Variants in AAK1 observed in about 807,000 individuals in gnomAD.
AAK1 encodes AP2-associated protein kinase 1.
AAK1 carries 37 observed loss-of-function variants against 116.0 expected under a neutral mutation model. The ratio of observed to expected loss-of-function variants is 0.32; its 90% confidence interval spans 0.25 to 0.42. The LOEUF is 0.42. Among genes scored for constraint, AAK1 ranks in the 10% least tolerant of loss-of-function variants. AAK1 has a pLI of 1.00. For synonymous variants in AAK1, 458 were observed against 439.9 expected (o/e 1.04, Z -0.51); for missense variants, 919 against 1,170.6 (o/e 0.79, Z 3.14).
intron 2 of AAK1, among the ~76,000 whole-genome samples, chr2:69,612,035 C>T (rs1674108168): frequency 6.6e-6 from 1 of 152,136 alleles, no homozygotes; most frequent in Admixed American, 6.5e-5. Context: ...TGGGCATAGA[C>T]TTTCAGTTGG....
intron 2 of AAK1, among the ~76,000 whole-genome samples, chr2:69,566,682 G>A (rs1314315175): frequency 6.6e-6 from 1 of 152,104 alleles, no homozygotes; most frequent in Non-Finnish European, 1.5e-5. Flanking sequence ...TCTTTTTAGG[G>A]GTTTGGCAAG....
rs752750876 is a variant in AAK1, at chr2:69,467,102, C to T, written c.*8767G>A. On this transcript the variant is annotated 3_prime_UTR_variant, in exon 22 of 22. Transcript: ENST00000409085. ...TCACAAGCACTACTCAAAGAGCATA[C>T]GAGTGCCCAAAATATAAATACTGAA... 3.0e-5 allele frequency: 30 copies of T among 985,266 alleles called. No homozygotes were observed. The highest frequency in any genetic ancestry group is 3.4e-5 in the Non-Finnish European group (28 of 829,928). The allele number at this position is 985,266 out of a possible 1,614,324, so 61.0% of individuals were successfully genotyped here. A position where few individuals can be genotyped will look rare whatever the true frequency, so the allele number is the denominator to read the frequency against.
rs1674753403 is a variant in AAK1, at chr2:69,473,632, T to C, written c.*2237A>G. On this transcript the variant is annotated 3_prime_UTR_variant, in exon 22 of 22. Coordinates refer to ENST00000409085, the MANE Select transcript of AAK1 (RefSeq NM_014911.5). ...TTTCAATGTAATTATGGGTAATATATGAAAAGAACAATTTAGAGATACCTA... is the reference window on the plus strand; with the variant it reads ...TTTCAATGTAATTATGGGTAATATACGAAAAGAACAATTTAGAGATACCTA... 2 of 982,418 alleles carry C rather than the reference T, an allele frequency of 2.0e-6. No homozygotes were observed. The highest frequency in any genetic ancestry group is 2.4e-6 in the Non-Finnish European group (2 of 826,996). The allele number at this position is 982,418 out of a possible 1,614,324, so 60.9% of individuals were successfully genotyped here. A position where few individuals can be genotyped will look rare whatever the true frequency, so the allele number is the denominator to read the frequency against.
intron 2 of AAK1, among the ~76,000 whole-genome samples, chr2:69,561,584 G>T (rs184466247): frequency 6.6e-6 from 1 of 152,300 alleles, no homozygotes; most frequent in East Asian, 1.9e-4. Flanking sequence ...CTCATCTTTA[G>T]AAATTTTTAT....
rs771595397 is a variant in AAK1 at position 69,642,866 on chromosome 2, G to C, written c.163+12C>G. On this transcript the variant is annotated intron_variant, in intron 2 of 21. Coordinates refer to ENST00000409085, the MANE Select transcript of AAK1 (RefSeq NM_014911.5). ...AAGATTTTAATTTACGGCGCATTGAGCCCCACCGTACCTTCCGCCAACACC... is the reference window on the plus strand; with the variant it reads ...AAGATTTTAATTTACGGCGCATTGACCCCCACCGTACCTTCCGCCAACACC... 3 of 1,613,532 alleles carry C rather than the reference G, an allele frequency of 1.9e-6. No homozygotes were observed. Among genetic ancestry groups the C allele is most frequent in the East Asian group, 4.5e-5 (2 of 44,876 alleles).
chr2:69,561,872 G>A (rs1027328732), intron 2 of AAK1, among the ~76,000 whole-genome samples: 4 of 152,112 alleles, frequency 2.6e-5, no homozygotes, highest in Admixed American at 6.5e-5. Flanking sequence ...CTTCTTTCAC[G>A]CAGCATAACA....
chr2:69,562,179 A>G (rs1247520125), intron 2 of AAK1, among the ~76,000 whole-genome samples: 1 of 152,130 alleles, frequency 6.6e-6, no homozygotes, highest in Non-Finnish European at 1.5e-5. Flanking sequence ...TGGTTGTGCT[A>G]TTTTACACTC....
intron 2 of AAK1, among the ~76,000 whole-genome samples, chr2:69,567,356 A>G (rs1056490804): frequency 1.3e-5 from 2 of 152,196 alleles, no homozygotes; most frequent in Admixed American, 6.5e-5. Flanking sequence ...TCCCTCCAGG[A>G]CATACCATGA....
At chr2:69,631,179 C>T (rs901049738) in intron 2 of AAK1, among the ~76,000 whole-genome samples, 6 of 152,180 alleles carry the variant, frequency 3.9e-5, no homozygotes, top group Non-Finnish European at 1.5e-5. Context: ...CTTCCTGTCC[C>T]CATAGGTAAT....
rs1371842387 is a variant in AAK1, at chr2:69,464,394, G to A, written c.*11475C>T. The A allele has an allele frequency of 6.6e-6, 1 of 152,134 alleles. No individual in the cohort carries two copies. The highest frequency in any genetic ancestry group is 2.4e-5 in the African/African-American group (1 of 41,382). 9.4% of individuals were successfully genotyped at this position (152,134 alleles called of 1,614,324 possible). A position where few individuals can be genotyped will look rare whatever the true frequency, so the allele number is the denominator to read the frequency against. ...AAGGAAAATTAATTTTTCATAATCAGGTAAATATAATTTGTTAATAGCAAA... is the reference window on the plus strand; with the variant it reads ...AAGGAAAATTAATTTTTCATAATCAAGTAAATATAATTTGTTAATAGCAAA... On this transcript the variant is annotated 3_prime_UTR_variant, in exon 22 of 22. Transcript: ENST00000409085.
intron 17 of AAK1, among the ~76,000 whole-genome samples, chr2:69,484,901 TAAAAAAAAGGAAGG>T (rs1435829270): frequency 1.4e-5 from 2 of 139,904 alleles, no homozygotes; most frequent in South Asian, 2.2e-4. Flanking sequence ...AATAAAAACA[TAAAAAAAAGGAAGG>T]AAAAAAAAGG....
In AAK1 at chr2:69,573,666, T is replaced by C. The variant is rs73937515; in HGVS notation, c.164-16688A>G. On this transcript the variant is annotated intron_variant, in intron 2 of 21. Coordinates refer to ENST00000409085, the MANE Select transcript of AAK1 (RefSeq NM_014911.5). ...AAATTCCACTTCTAGGAATCCATCT[T>C]AAGGAAATAACCTGAAATATCCACA... Among the ~76,000 whole-genome samples the C allele has an allele frequency of 6.4e-3, 976 of 152,250 alleles. 8 individuals are homozygous for C. Among genetic ancestry groups the C allele is most frequent in the African/African-American group, 0.022 (903 of 41,544 alleles).
chr2:69,571,114 T>G (rs76034758), intron 2 of AAK1, among the ~76,000 whole-genome samples: 1,809 of 152,348 alleles, frequency 0.012, 32 homozygotes, highest in African/African-American at 0.042. Context: ...GATTTTATTT[T>G]TATTCATTGT....
At chr2:69,587,541 C>T (rs1190509941) in intron 2 of AAK1, among the ~76,000 whole-genome samples, 3 of 151,850 alleles carry the variant, frequency 2.0e-5, no homozygotes, top group Non-Finnish European at 4.4e-5. Context: ...TCTCGGCTCA[C>T]TGCAACCTCC....
chr2:69,469,046 C>T lies in AAK1; in HGVS notation c.*6823G>A, dbSNP rs1674588492. ...AGTCTCCTGTCCTTCAAAACAAGGA[C>T]AAGAGCTATTTCCTATCTTTCTTTC... On this transcript the variant is annotated 3_prime_UTR_variant, in exon 22 of 22. Transcript: ENST00000409085. The T allele has an allele frequency of 2.0e-6, 2 of 985,408 alleles. No individual in the cohort carries two copies. Among genetic ancestry groups the T allele is most frequent in the Non-Finnish European group, 2.4e-6 (2 of 829,930 alleles). The allele number at this position is 985,408 out of a possible 1,614,324, so 61.0% of individuals were successfully genotyped here. A position where few individuals can be genotyped will look rare whatever the true frequency, so the allele number is the denominator to read the frequency against.
At chr2:69,557,301 C>CGT (rs1312817253) in intron 2 of AAK1, among the ~76,000 whole-genome samples, 4 of 136,732 alleles carry the variant, frequency 2.9e-5, no homozygotes, top group South Asian at 2.3e-4. Flanking sequence ...ATCCTATGTA[C>CGT]TTTTTTTTTT....
At chr2:69,606,908 A>T (rs916162788) in intron 2 of AAK1, among the ~76,000 whole-genome samples, 4 of 152,148 alleles carry the variant, frequency 2.6e-5, no homozygotes, top group African/African-American at 9.7e-5. Flanking sequence ...TCTACAAAAA[A>T]TACAGAAATT....
rs1051401467 is a variant in AAK1, at chr2:69,472,984, C to A, written c.*2885G>T. On this transcript the variant is annotated 3_prime_UTR_variant, in exon 22 of 22. Coordinates refer to ENST00000409085, the MANE Select transcript of AAK1 (RefSeq NM_014911.5). ...ACTGCTACCGTAATAGCAGGAACTACAGAAGATAACTGAAGAACATCAGGA... is the reference window on the plus strand; with the variant it reads ...ACTGCTACCGTAATAGCAGGAACTAAAGAAGATAACTGAAGAACATCAGGA... 7 of 984,660 alleles carry A rather than the reference C, an allele frequency of 7.1e-6. No homozygotes were observed. The African/African-American group carries it at 1.2e-4, about 17-fold the overall frequency. The allele number at this position is 984,660 out of a possible 1,614,324, so 61.0% of individuals were successfully genotyped here. A position where few individuals can be genotyped will look rare whatever the true frequency, so the allele number is the denominator to read the frequency against.
At chr2:69,531,546 T>C (rs1294548122) in intron 6 of AAK1, 1 of 982,410 alleles carries the variant, frequency 1.0e-6, no homozygotes, top group African/African-American at 1.7e-5. Context: ...AAAGAAGCTT[T>C]TTATCATGAA....
Sources: gnomAD v4.1 joint callset for allele counts (sites outside exome capture counted in the v4.1 genomes callset) on GRCh38, gnomAD v4.1.1 for gene constraint, MANE v1.5 for transcripts, NCBI Gene and HGNC (gene_info 2026-07-23, HGNC 2026-07-21) for gene names.